APC2: variants seen among roughly 807,000 people sequenced by gnomAD.
APC2 encodes adenomatous polyposis coli protein 2.
A neutral mutation model predicts 72.5 loss-of-function variants in APC2; 41 were observed. The observed-to-expected ratio is 0.57, with a 90% CI of 0.44 to 0.73. The LOEUF is 0.73. APC2 is among the 30% of genes least tolerant of loss of function. The pLI is 0.00. For missense variants in APC2, 3,729 were observed against 3,403.4 expected (o/e 1.10, Z -2.38); for synonymous variants, 1,898 against 1,612.0 (o/e 1.18, Z -4.25).
intron 10 of APC2, chr19:1,458,533 G>A (rs2083874831): frequency 6.3e-6 from 1 of 158,500 alleles, no homozygotes; most frequent in Non-Finnish European, 1.4e-5. Context: ...AGAAGTTCGA[G>A]ACCAGGCTGG....
At position 1,452,833 on chromosome 19, in the gene APC2, A is replaced by T; in HGVS notation, c.-18-151A>T. On this transcript the variant is annotated intron_variant, in intron 1 of 14. Transcript: ENST00000590469. This position sits in a 1 kb window ranked among gnomAD's most constrained non-coding sequence, Gnocchi z 5.1. ...CCTGGCCACCACCACGTGGGCCTGT[A>T]CTTGTCCACACCAGTGACTCCTGCC... The T allele has an allele frequency of 1.0e-6, 1 of 958,778 alleles. No homozygotes were observed. The highest frequency in any genetic ancestry group is 1.5e-6 in the Non-Finnish European group (1 of 662,920). The allele number at this position is 958,778 out of a possible 1,614,324, so 59.4% of individuals were successfully genotyped here.
At position 1,452,880 on chromosome 19, in the gene APC2, A is replaced by G; in HGVS notation, c.-18-104A>G. ...TGCCTGAGACCCCCCCCAACCCAGG[A>G]TCAGGCAGGACGGCTGGGGCTTAGG... On this transcript the variant is annotated intron_variant, in intron 1 of 14. Coordinates refer to ENST00000590469, the MANE Select transcript of APC2 (RefSeq NM_005883.3). This position sits in a 1 kb window ranked among gnomAD's most constrained non-coding sequence, Gnocchi z 5.1. The G allele has an allele frequency of 7.3e-7, 1 of 1,370,430 alleles. No homozygotes were observed. The highest frequency in any genetic ancestry group is 9.8e-7 in the Non-Finnish European group (1 of 1,020,374). The allele number at this position is 1,370,430 out of a possible 1,614,324, so 84.9% of individuals were successfully genotyped here.
Position 1,465,703 on chromosome 19 carries a change from C to T in APC2, c.2402C>T (p.Ala801Val). 1 of 1,581,708 alleles carries T rather than the reference C, an allele frequency of 6.3e-7. No individual in the cohort carries two copies. Among genetic ancestry groups the T allele is most frequent in the South Asian group, 1.1e-5 (1 of 87,392 alleles). ...ACCGGGGAGCCAGCCAGCCCTGCCG[C>T]GCTGTCCCTCTTCCTGGGCAGCCCC... is the stretch of plus-strand genomic sequence containing the variant. Reference protein sequence around the residue: ...AATGEPASPAALSLFLGSPFL... With the variant: ...AATGEPASPAVLSLFLGSPFL... The change falls in exon 15 of 15, where the codon GCG (alanine) becomes GTG (valine). Residue 801 changes from alanine to valine, a missense_variant. Ala to Val is a moderately conservative substitution (Grantham distance 64). Transcript: ENST00000590469.
chr19:1,448,545 A>T (rs1229034436), upstream of APC2, among the ~76,000 whole-genome samples: 1 of 93,160 alleles, frequency 1.1e-5, no homozygotes, highest in Non-Finnish European at 2.2e-5. Flanking sequence ...GACCCCATCT[A>T]AAAAAAAAAA....
rs1367564793 is a variant in APC2 at position 1,452,842 on chromosome 19, C to T, written c.-18-142C>T. On this transcript the variant is annotated intron_variant, in intron 1 of 14. Transcript: ENST00000590469. This position sits in a 1 kb window ranked among gnomAD's most constrained non-coding sequence, Gnocchi z 5.1. ...CACCACGTGGGCCTGTACTTGTCCA[C>T]ACCAGTGACTCCTGCCTGAGACCCC... The T allele has an allele frequency of 3.8e-6, 4 of 1,061,668 alleles. No homozygotes were observed. The African/African-American group carries it at 4.9e-5, about 13-fold the overall frequency. 65.8% of individuals were successfully genotyped at this position (1,061,668 alleles called of 1,614,324 possible).
At chr19:1,453,923 C>T (rs930675844) in intron 4 of APC2, among the ~76,000 whole-genome samples, 8 of 152,210 alleles carry the variant, frequency 5.3e-5, no homozygotes, top group Non-Finnish European at 1.0e-4. Context: ...CGCCAGGGAC[C>T]GGGCTGTGTC....
At chr19:1,455,069 G>A (rs372646315) in intron 4 of APC2, 80 bp from the exon 5 acceptor site, 8 of 869,062 alleles carry the variant, frequency 9.2e-6, no homozygotes, top group South Asian at 8.1e-5. Context: ...TACAGTAAGC[G>A]CTAACAAGTG....
chr19:1,450,483 G>C (rs1388626512), intron 1 of APC2, 145 bp downstream of exon 1: 1 of 657,732 alleles, frequency 1.5e-6, no homozygotes, highest in African/African-American at 2.0e-5. Context: ...ACTGAGTCCC[G>C]GTGAGCTGGG....
In APC2 at chr19:1,468,753, G is replaced by A. The variant is rs1025456001; in HGVS notation, c.5452G>A (p.Val1818Met). The change falls in exon 15 of 15, where the codon GTG (valine) becomes ATG (methionine). Residue 1818 changes from valine (V) to methionine (M), a missense_variant. Val to Met is a conservative substitution (Grantham distance 21, BLOSUM62 1). Transcript: ENST00000590469. ...CGGCCCCCGCGCCACACCGCGGAAGGTGGCGCCCCCTTGCCTGGCACAGCC... is the reference window on the plus strand; with the variant it reads ...CGGCCCCCGCGCCACACCGCGGAAGATGGCGCCCCCTTGCCTGGCACAGCC... ...TPGPRATPRK[V>M]APPCLAQPAA... 14 of 1,499,636 alleles carry A rather than the reference G, an allele frequency of 9.3e-6. No homozygotes were observed. The South Asian group carries it at 1.6e-4, about 17-fold the overall frequency. The allele number at this position is 1,499,636 out of a possible 1,614,324, so 92.9% of individuals were successfully genotyped here.
chr19:1,456,062 G>T lies in APC2; in HGVS notation c.640-14G>T. The stretch of plus-strand genomic sequence containing the variant: ...GGTCAGCTCCAGCACTTGCCCTCGT[G>T]TGGTCCTGAGCAGATCCGCGCCTCG... On this transcript the variant is annotated splice_polypyrimidine_tract_variant and intron_variant, in intron 6 of 14. Coordinates refer to ENST00000590469, the MANE Select transcript of APC2 (RefSeq NM_005883.3). The T allele has an allele frequency of 6.4e-7, 1 of 1,553,274 alleles. No homozygotes were observed.
rs1025733003 is a variant in APC2, at chr19:1,457,304, G to T, written c.1207+61G>T. On this transcript the variant is annotated intron_variant, in intron 9 of 14. Transcript: ENST00000590469. ...TTAACGTGCAGCTAGGGCTTCCCGGGGGATGGGCGACTAGGACCTCCAGCC... is the reference window on the plus strand; with the variant it reads ...TTAACGTGCAGCTAGGGCTTCCCGGTGGATGGGCGACTAGGACCTCCAGCC... 16 of 1,463,362 alleles carry T rather than the reference G, an allele frequency of 1.1e-5. No homozygotes were observed. In the African/African-American group the frequency reaches 2.2e-4, roughly 20 times the overall value. 90.6% of individuals were successfully genotyped at this position (1,463,362 alleles called of 1,614,324 possible).
chr19:1,447,247 C>G (rs879350956), upstream of APC2, among the ~76,000 whole-genome samples: 1 of 152,254 alleles, frequency 6.6e-6, no homozygotes, highest in Non-Finnish European at 1.5e-5. Flanking sequence ...CCCCACCCAG[C>G]TCCCGATGGG....
In APC2 at chr19:1,456,401, C is replaced by T. The variant is rs1260749116; in HGVS notation, c.813C>T (p.Ser271=). Residue 271 remains serine (S), a synonymous_variant, in exon 8 of 15, where the codon AGC becomes AGT. Transcript: ENST00000590469. ...PEDGTPQPGN[S]KVEVVFWLLS... ...ATGGCACCCCTCAGCCGGGCAACAG[C>T]AAGGTGAGGGGGAGGGTGAAACGGG... is the stretch of plus-strand genomic sequence containing the variant. 2.5e-6 allele frequency: 4 copies of T among 1,599,538 alleles called. No homozygotes were observed. Among genetic ancestry groups the T allele is most frequent in the Non-Finnish European group, 1.7e-6 (2 of 1,174,122 alleles).
At chr19:1,447,014 C>G (rs936928315), upstream of APC2, among the ~76,000 whole-genome samples, 9 of 152,158 alleles carry the variant, frequency 5.9e-5, no homozygotes, top group East Asian at 1.9e-4. Context: ...GGGGCGGGGG[C>G]CGGGGAGCTG....
chr19:1,447,930 G>C (rs755736317), upstream of APC2, among the ~76,000 whole-genome samples: 1 of 152,176 alleles, frequency 6.6e-6, no homozygotes, highest in South Asian at 2.1e-4. Context: ...TGGGGGCCTG[G>C]GGAGCTGAGA....
At position 1,469,498 on chromosome 19, in the gene APC2, C is replaced by T; in HGVS notation, c.6197C>T (p.Pro2066Leu). Residue 2066 changes from proline to leucine, a missense_variant, in exon 15 of 15, where the codon CCC (proline) becomes CTC (leucine). Pro to Leu is a moderately conservative substitution (Grantham distance 98). Coordinates refer to ENST00000590469, the MANE Select transcript of APC2 (RefSeq NM_005883.3). Reference protein sequence around the residue: ...PARQRPPAARPSPGERPARRT... With the variant: ...PARQRPPAARLSPGERPARRT... ...CGGCAGCGGCCCCCCGCGGCCCGAC[C>T]CAGCCCTGGCGAGCGCCCTGCCCGG... 8.9e-7 allele frequency: 1 copy of T among 1,127,718 alleles called. No homozygotes were observed. The highest frequency in any genetic ancestry group is 1.1e-6 in the Non-Finnish European group (1 of 920,642). The allele number at this position is 1,127,718 out of a possible 1,614,324, so 69.9% of individuals were successfully genotyped here.
At chr19:1,447,199 G>A (rs892752065), upstream of APC2, among the ~76,000 whole-genome samples, 1 of 152,234 alleles carries the variant, frequency 6.6e-6, no homozygotes, top group Non-Finnish European at 1.5e-5. Flanking sequence ...GCGGCGGGCC[G>A]TCTCTATCCT....
Position 1,456,898 on chromosome 19 carries a change from C to A in APC2, c.862C>A (p.Gln288Lys), listed in dbSNP as rs2083837463. The change falls in exon 9 of 15, where the codon CAG (glutamine) becomes AAG (lysine). Residue 288 changes from glutamine (Q) to lysine (K), a missense_variant. Physicochemically the swap from Gln to Lys is moderately conservative, Grantham distance 53. Transcript: ENST00000590469. ...GTTGTCCATGTTGGCGACGCGCGAC[C>A]AGGAGGATACAGCGCGCACGCTGCT... Reference protein sequence around the residue: ...WLLSMLATRDQEDTARTLLAM... With the variant: ...WLLSMLATRDKEDTARTLLAM... The A allele has an allele frequency of 6.3e-7, 1 of 1,587,658 alleles. No individual in the cohort carries two copies. The highest frequency in any genetic ancestry group is 2.3e-5 in the East Asian group (1 of 43,886).
chr19:1,457,187 G>A lies in APC2; in HGVS notation c.1151G>A (p.Cys384Tyr), dbSNP rs763704223. The change falls in exon 9 of 15, where the codon TGC becomes TAC. Residue 384 changes from cysteine (C) to tyrosine (Y), a missense_variant. Cys to Tyr is a radical substitution (Grantham distance 194, BLOSUM62 -2). Transcript: ENST00000590469. ...CAGATCCGGGCCTACTGCGAGACCTGCTGGGACTGGCTGCAGGCCCGAGAC... is the reference window on the plus strand; with the variant it reads ...CAGATCCGGGCCTACTGCGAGACCTACTGGGACTGGCTGCAGGCCCGAGAC... Reference protein sequence around the residue: ...LEQIRAYCETCWDWLQARDGG... With the variant: ...LEQIRAYCETYWDWLQARDGG... The A allele has an allele frequency of 6.4e-7, 1 of 1,565,238 alleles. No homozygotes were observed. Among genetic ancestry groups the A allele is most frequent in the Non-Finnish European group, 8.6e-7 (1 of 1,158,074 alleles).
Sources: gnomAD v4.1 joint callset for allele counts (sites outside exome capture counted in the v4.1 genomes callset) on GRCh38, gnomAD v4.1.1 for gene constraint, Gnocchi (gnomAD v3.1) non-coding constraint, MANE v1.5 for transcripts, NCBI Gene and HGNC (gene_info 2026-07-23, HGNC 2026-07-21) for gene names.